Variants in GFRA1 observed in about 807,000 individuals in gnomAD.
The protein encoded by GFRA1 is GDNF family receptor alpha-1.
Under a neutral mutation model 51.6 loss-of-function variants are expected in GFRA1, and 16 were observed. That is an observed-to-expected ratio of 0.31 (90% CI 0.21 to 0.47). The LOEUF is 0.47. GFRA1 is among the 20% of genes least tolerant of loss of function. GFRA1 has a pLI of 1.00. For synonymous variants in GFRA1, 270 were observed against 241.3 expected (o/e 1.12, Z -1.10); for missense variants, 530 against 594.3 (o/e 0.89, Z 1.13).
chr10:116,169,445 C>T (rs1030603964), intron 5 of GFRA1, among the ~76,000 whole-genome samples: 3 of 152,326 alleles, frequency 2.0e-5, no homozygotes, highest in South Asian at 2.1e-4. Context: ...TTTTCCCGCC[C>T]GAATGTTGCC....
At chr10:116,258,129 T>G (rs370641784) in intron 4 of GFRA1, among the ~76,000 whole-genome samples, 38 of 152,264 alleles carry the variant, frequency 2.5e-4, no homozygotes, top group African/African-American at 8.7e-4. Context: ...CTTGTTTATA[T>G]CTATCTCTAA....
intron 5 of GFRA1, among the ~76,000 whole-genome samples, chr10:116,131,753 G>A (rs766925085): frequency 6.6e-6 from 1 of 152,090 alleles, no homozygotes; most frequent in Non-Finnish European, 1.5e-5. Flanking sequence ...GGGAATGGGG[G>A]TGAGGATTGG....
chr10:116,198,613 C>T (rs1411551865), intron 5 of GFRA1, among the ~76,000 whole-genome samples: 1 of 152,160 alleles, frequency 6.6e-6, no homozygotes, highest in Non-Finnish European at 1.5e-5. Context: ...CCGTGTTTTC[C>T]TCTCTCCCAA....
At chr10:116,259,596 T>C (rs1253017677) in intron 4 of GFRA1, among the ~76,000 whole-genome samples, 1 of 152,170 alleles carries the variant, frequency 6.6e-6, no homozygotes, top group South Asian at 2.1e-4. Flanking sequence ...ATATTGCAAC[T>C]TTAAAGGCCT....
intron 4 of GFRA1, chr10:116,255,504 A>AAC: frequency 2.1e-6 from 2 of 973,110 alleles, no homozygotes; most frequent in Non-Finnish European, 2.6e-6. Flanking sequence ...GGAAAAAAAA[A>AAC]AACAAAAAAA....
At chr10:116,165,053 T>C (rs7096448) in intron 5 of GFRA1, among the ~76,000 whole-genome samples, 67,328 of 152,058 alleles carry the variant, frequency 0.44, 15,005 homozygotes, top group African/African-American at 0.5. Flanking sequence ...AATTTTAGAA[T>C]TGTTCTTCAG....
intron 4 of GFRA1, among the ~76,000 whole-genome samples, chr10:116,265,842 C>T (rs73371096): frequency 0.18 from 28,068 of 151,914 alleles, 3,865 homozygotes; most frequent in African/African-American, 0.38. Flanking sequence ...TTCCAGGCCC[C>T]TAAAACCCAC....
chr10:116,146,008 T>G (rs554661362), intron 5 of GFRA1, among the ~76,000 whole-genome samples: 28 of 151,608 alleles, frequency 1.8e-4, no homozygotes, highest in African/African-American at 6.8e-4. Context: ...AAACAAAGTG[T>G]ACACACACAC....
At chr10:116,218,537 A>G (rs1965715844) in intron 4 of GFRA1, among the ~76,000 whole-genome samples, 1 of 152,180 alleles carries the variant, frequency 6.6e-6, no homozygotes, top group Non-Finnish European at 1.5e-5. Context: ...GCCAGAGTCC[A>G]GAGCTCCTCC....
intron 5 of GFRA1, among the ~76,000 whole-genome samples, chr10:116,157,206 T>C (rs1959233129): frequency 1.3e-5 from 2 of 152,220 alleles, no homozygotes; most frequent in Non-Finnish European, 2.9e-5. Flanking sequence ...AAGTAGAATA[T>C]TTGGAAGTCA....
chr10:116,119,862 C>T (rs1957571799), intron 6 of GFRA1, among the ~76,000 whole-genome samples: 1 of 152,228 alleles, frequency 6.6e-6, no homozygotes, highest in African/African-American at 2.4e-5. Context: ...TCCCCAGTTG[C>T]CTGATCGACC....
rs560236200 is a variant in GFRA1 at position 116,124,047 on chromosome 10, G to A, written c.770+1174C>T. On this transcript the variant is annotated intron_variant, in intron 6 of 10. Transcript: ENST00000355422. ...AGCCTCCTGAGTAGCTGGGACCAAA[G>A]GCATGCACTACCACGCCTGGCTATT... Among the ~76,000 whole-genome samples, 363 of 152,092 alleles carry A rather than the reference G, an allele frequency of 2.4e-3. 2 individuals carry two copies. The highest frequency in any genetic ancestry group is 7.9e-3 in the African/African-American group (329 of 41,468).
chr10:116,177,555 G>C (rs889626085), intron 5 of GFRA1, among the ~76,000 whole-genome samples: 1 of 152,144 alleles, frequency 6.6e-6, no homozygotes, highest in Admixed American at 6.5e-5. Flanking sequence ...CATAACACAG[G>C]TGGGTAACTG....
At chr10:116,192,080 T>A (rs1156540691) in intron 5 of GFRA1, among the ~76,000 whole-genome samples, 1 of 152,154 alleles carries the variant, frequency 6.6e-6, no homozygotes, top group Non-Finnish European at 1.5e-5. Context: ...CACTACATAG[T>A]CCAAATGAAT....
chr10:116,267,958 C>CAA (rs1969804297), intron 4 of GFRA1, among the ~76,000 whole-genome samples: 1 of 151,952 alleles, frequency 6.6e-6, no homozygotes, highest in Admixed American at 6.6e-5. Flanking sequence ...CACACACACA[C>CAA]ACACACACAC....
At chr10:116,138,924 T>G (rs1958447607) in intron 5 of GFRA1, among the ~76,000 whole-genome samples, 1 of 152,214 alleles carries the variant, frequency 6.6e-6, no homozygotes, top group Non-Finnish European at 1.5e-5. Flanking sequence ...GAATGAAGTT[T>G]AAGCCTCAGA....
intron 5 of GFRA1, 147 bp downstream of exon 5, chr10:116,211,484 A>T: frequency 1.4e-6 from 1 of 708,290 alleles, no homozygotes; most frequent in Non-Finnish European, 2.4e-6. Flanking sequence ...ATGGCACTTT[A>T]AGCCACTGTC....
At chr10:116,137,029 G>A (rs1234093373) in intron 5 of GFRA1, among the ~76,000 whole-genome samples, 1 of 152,184 alleles carries the variant, frequency 6.6e-6, no homozygotes, top group East Asian at 1.9e-4. Flanking sequence ...TGACTACTTT[G>A]AAGGAGAATA....
chr10:116,189,090 T>TAA (rs137887314), intron 5 of GFRA1, among the ~76,000 whole-genome samples: 1,619 of 112,106 alleles, frequency 0.014, 14 homozygotes, highest in Middle Eastern at 0.047. Flanking sequence ...CCTTGTCTCT[T>TAA]AAAAAAAAAA....
Sources: allele counts gnomAD v4.1 joint callset (sites outside exome capture counted in the v4.1 genomes callset), GRCh38; gene constraint gnomAD v4.1.1; transcripts MANE v1.5; gene names NCBI Gene and HGNC (gene_info 2026-07-23, HGNC 2026-07-21).